Variants in BBX observed in about 807,000 individuals in gnomAD.
BBX encodes the protein HMG box transcription factor BBX.
Under a neutral mutation model 100.2 loss-of-function variants are expected in BBX, and 30 were observed. That is an observed-to-expected ratio of 0.30 (90% CI 0.22 to 0.41). BBX has a LOEUF of 0.41. Ranked by LOEUF, BBX falls within the 10% of genes least tolerant of loss-of-function variation. The pLI is 1.00. For synonymous variants in BBX, 376 were observed against 388.1 expected (o/e 0.97, Z 0.37); for missense variants, 1,023 against 1,129.8 (o/e 0.91, Z 1.35).
intron 2 of BBX, among the ~76,000 whole-genome samples, chr3:107,542,930 A>G (rs1316894896): frequency 6.7e-6 from 1 of 148,830 alleles, no homozygotes; most frequent in Non-Finnish European, 1.5e-5. Flanking sequence ...CCAGGGTAAA[A>G]GAGCTTTTTC....
intron 2 of BBX, among the ~76,000 whole-genome samples, chr3:107,573,111 T>C (rs2051494489): frequency 6.6e-6 from 1 of 152,208 alleles, no homozygotes. Context: ...GTTATGATTC[T>C]TTAATGTGTA....
At chr3:107,739,100 A>G (rs763383361) in intron 7 of BBX, among the ~76,000 whole-genome samples, 1 of 152,244 alleles carries the variant, frequency 6.6e-6, no homozygotes, top group Non-Finnish European at 1.5e-5. Flanking sequence ...TTAAACAAAT[A>G]CAGATTTAAA....
chr3:107,696,885 C>A (rs539387105), intron 3 of BBX, among the ~76,000 whole-genome samples: 1 of 151,538 alleles, frequency 6.6e-6, no homozygotes, highest in South Asian at 2.1e-4. Context: ...TTCTTGGAGG[C>A]TTTGGTCGTT....
chr3:107,631,380 T>C (rs938865216), intron 2 of BBX, among the ~76,000 whole-genome samples: 6 of 152,120 alleles, frequency 3.9e-5, no homozygotes, highest in Non-Finnish European at 8.8e-5. Context: ...ATACGTGCGG[T>C]GGGAGAAAGT....
At chr3:107,650,302 A>C (rs1400767167) in intron 3 of BBX, among the ~76,000 whole-genome samples, 1 of 152,116 alleles carries the variant, frequency 6.6e-6, no homozygotes, top group African/African-American at 2.4e-5. Context: ...TGTGGACTGC[A>C]TATATGAGGG....
chr3:107,782,415 A>G (rs923100252), intron 13 of BBX, among the ~76,000 whole-genome samples: 1 of 152,172 alleles, frequency 6.6e-6, no homozygotes, highest in South Asian at 2.1e-4. Flanking sequence ...ACACATATAT[A>G]TAGTTTAAAA....
At chr3:107,689,554 G>C (rs1056221458) in intron 3 of BBX, among the ~76,000 whole-genome samples, 1 of 152,138 alleles carries the variant, frequency 6.6e-6, no homozygotes. Context: ...TACTTTAAGA[G>C]CTGCAGCATC....
chr3:107,706,805 T>G (rs1279070822), intron 3 of BBX, among the ~76,000 whole-genome samples: 2 of 152,196 alleles, frequency 1.3e-5, no homozygotes, highest in Admixed American at 1.3e-4. Context: ...TTTTACCTCC[T>G]CCTCATTGTT....
intron 2 of BBX, among the ~76,000 whole-genome samples, chr3:107,526,912 T>C (rs1184475996): frequency 6.6e-6 from 1 of 152,200 alleles, no homozygotes; most frequent in Non-Finnish European, 1.5e-5. Context: ...GTGTGGTAAA[T>C]CTAGCGTTTA....
chr3:107,635,587 C>T (rs1407955667), intron 2 of BBX, among the ~76,000 whole-genome samples: 1 of 152,078 alleles, frequency 6.6e-6, no homozygotes, highest in Non-Finnish European at 1.5e-5. Flanking sequence ...TCTTGACTTA[C>T]TGAATATCAT....
Position 107,773,150 on chromosome 3 carries a change from C to G in BBX, c.1429C>G (p.Gln477Glu). The G allele has an allele frequency of 6.2e-7, 1 of 1,614,094 alleles. No homozygotes were observed. Among genetic ancestry groups the G allele is most frequent in the Non-Finnish European group, 8.5e-7 (1 of 1,180,014 alleles). The change falls in exon 11 of 18, where the codon CAG (glutamine) becomes GAG (glutamate). Residue 477 changes from glutamine to glutamate, a missense_variant. Physicochemically the swap from Gln to Glu is conservative, Grantham distance 29 (BLOSUM62 2). This residue lies in a region of BBX where 348 missense variants were observed against 353.2 expected (regional missense o/e 0.99). Coordinates refer to ENST00000325805, the MANE Select transcript of BBX (RefSeq NM_001142568.3). The surrounding 1 kb of genome is among the most constrained non-coding windows in gnomAD (Gnocchi z 4.1). ...ACCCAAGAAGACTTGCAAAAAGAGG[C>G]AGTCTTCGGAATCTGACATTGAGAG... is the stretch of plus-strand genomic sequence containing the variant. ...STPKKTCKKR[Q>E]SSESDIESVI... is the part of the protein sequence containing the mutation.
intron 2 of BBX, among the ~76,000 whole-genome samples, chr3:107,643,552 G>A (rs1015588993): frequency 1.3e-5 from 2 of 152,068 alleles, no homozygotes; most frequent in Non-Finnish European, 2.9e-5. Flanking sequence ...AAGCCAAAGT[G>A]GGACCCAGAG....
intron 3 of BBX, among the ~76,000 whole-genome samples, chr3:107,652,210 G>C: frequency 6.6e-6 from 1 of 151,982 alleles, no homozygotes; most frequent in Non-Finnish European, 1.5e-5. Flanking sequence ...TTTTTTGGAC[G>C]ATTTTTGTCT....
intron 2 of BBX, among the ~76,000 whole-genome samples, chr3:107,606,972 A>G (rs917620658): frequency 7.9e-5 from 12 of 152,036 alleles, no homozygotes; most frequent in Admixed American, 2.0e-4. Flanking sequence ...TCTATCTCCA[A>G]TGGTTCAGTT....
At chr3:107,592,136 T>C (rs1272149402) in intron 2 of BBX, among the ~76,000 whole-genome samples, 1 of 152,142 alleles carries the variant, frequency 6.6e-6, no homozygotes, top group African/African-American at 2.4e-5. Context: ...AGAAAACTTG[T>C]AAGCTTGTCT....
At chr3:107,638,012 C>G (rs1358245072) in intron 2 of BBX, among the ~76,000 whole-genome samples, 1 of 152,076 alleles carries the variant, frequency 6.6e-6, no homozygotes, top group Admixed American at 6.6e-5. Context: ...CTCCCAGGCT[C>G]AAGCCATCCT....
intron 3 of BBX, among the ~76,000 whole-genome samples, chr3:107,652,758 C>T (rs1000758948): frequency 9.2e-5 from 14 of 151,994 alleles, no homozygotes; most frequent in Non-Finnish European, 1.3e-4. Flanking sequence ...GGATCTAAGG[C>T]GGGGAACTTG....
At position 107,692,170 on chromosome 3, in the gene BBX, TTTTA is replaced by T. The variant is rs201883262; in HGVS notation, c.-9-18251_-9-18248del. Among the ~76,000 whole-genome samples the T allele has an allele frequency of 7.9e-3, 1,171 of 148,114 alleles. 9 individuals are homozygous for T. The highest frequency in any genetic ancestry group is 0.014 in the African/African-American group (548 of 39,918). ...AGAAAACATCCAGATTTTTTAATTATTTTATTTATTTATTTATTTATTTATTTAT... is the reference window on the plus strand; with the variant it reads ...AGAAAACATCCAGATTTTTTAATTATTTTATTTATTTATTTATTTATTTAT... On this transcript the variant is annotated intron_variant, in intron 3 of 17. Coordinates refer to ENST00000325805, the MANE Select transcript of BBX (RefSeq NM_001142568.3).
intron 3 of BBX, among the ~76,000 whole-genome samples, chr3:107,685,843 T>C (rs2059816799): frequency 6.6e-6 from 1 of 152,232 alleles, no homozygotes. Flanking sequence ...CTTTTCTTTG[T>C]GATATTCTTT....
Sources: gnomAD v4.1 joint callset for allele counts (sites outside exome capture counted in the v4.1 genomes callset) on GRCh38, gnomAD v4.1.1 for gene constraint, gnomAD v4.1.1 regional missense constraint, Gnocchi (gnomAD v3.1) non-coding constraint, MANE v1.5 for transcripts, NCBI Gene and HGNC (gene_info 2026-07-23, HGNC 2026-07-21) for gene names.